The following GON4L variants were observed in gnomAD, a reference collection of about 807,000 sequenced individuals.
GON4L encodes the protein gon-4 like, also known as GON-4-like protein.
In GON4L, 87 loss-of-function variants were observed where a neutral mutation model predicts 211.8. The observed-to-expected ratio is 0.41, with a 90% CI of 0.35 to 0.49. GON4L has a LOEUF of 0.49. Among genes scored for constraint, GON4L ranks in the 20% least tolerant of loss-of-function variants. The pLI is 0.15. For missense variants in GON4L, 2,155 were observed against 2,659.5 expected (o/e 0.81, Z 4.17); for synonymous variants, 875 against 962.6 (o/e 0.91, Z 1.68).
At chr1:155,777,124 T>C (rs1031844654) in intron 15 of GON4L, among the ~76,000 whole-genome samples, 7 of 152,224 alleles carry the variant, frequency 4.6e-5, no homozygotes, top group African/African-American at 1.2e-4. Flanking sequence ...ATACCATTAG[T>C]GTCCTTGTGT....
Position 155,766,197 on chromosome 1 carries a change from G to C in GON4L, c.3276C>G (p.Leu1092=), listed in dbSNP as rs144768837. The C allele has an allele frequency of 2.2e-4, 361 of 1,614,136 alleles. No homozygotes were observed. The African/African-American group carries it at 4.1e-3, about 18-fold the overall frequency. ...TTACCTTGGGCACAGGGGCAGAAGA[G>C]AGCAAAGTCTGGGACTCAGACAGAG... The part of the protein sequence containing the change: ...SFPLSESQTL[L]SSAPVPKVML... Residue 1092 remains leucine (L), a synonymous_variant, in exon 21 of 32, where the codon CTC becomes CTG. Transcript: ENST00000368331.
intron 2 of GON4L, 145 bp downstream of exon 2, chr1:155,853,130 CT>C: frequency 2.5e-6 from 2 of 797,226 alleles, no homozygotes; most frequent in Non-Finnish European, 4.3e-6. Context: ...AAAAAGTTCA[CT>C]GTTGACCCTT....
intron 10 of GON4L, among the ~76,000 whole-genome samples, chr1:155,812,486 A>T (rs573452463): frequency 6.6e-6 from 1 of 152,170 alleles, no homozygotes; most frequent in Non-Finnish European, 1.5e-5. Context: ...TCCAACATAA[A>T]GGGCATTGTT....
At chr1:155,822,163 G>C (rs754833678) in intron 4 of GON4L, 123 bp downstream of exon 4, 1 of 823,520 alleles carries the variant, frequency 1.2e-6, no homozygotes, top group Non-Finnish European at 2.1e-6. Context: ...AAAATGTTCT[G>C]TCACGGGTAA....
intron 2 of GON4L, among the ~76,000 whole-genome samples, chr1:155,830,140 G>C (rs908483210): frequency 6.6e-6 from 1 of 151,568 alleles, no homozygotes; most frequent in Admixed American, 6.6e-5. Flanking sequence ...AGTAGAGATG[G>C]GGTTTTACCA....
chr1:155,837,902 A>G (rs902271953), intron 2 of GON4L, among the ~76,000 whole-genome samples: 3 of 152,226 alleles, frequency 2.0e-5, no homozygotes, highest in African/African-American at 7.2e-5. Flanking sequence ...AAATCCAGCT[A>G]TCTTTAATAA....
chr1:155,830,631 G>A (rs1468848749), intron 2 of GON4L, among the ~76,000 whole-genome samples: 2 of 151,862 alleles, frequency 1.3e-5, no homozygotes, highest in Non-Finnish European at 2.9e-5. Context: ...CTGTCCCCTA[G>A]GCTGAAGTGC....
At chr1:155,790,746 C>G (rs887487927) in intron 12 of GON4L, among the ~76,000 whole-genome samples, 2 of 147,844 alleles carry the variant, frequency 1.4e-5, no homozygotes, top group Non-Finnish European at 3.0e-5. Context: ...GAGATCGAGA[C>G]CATCCTGGCC....
At chr1:155,801,112 CAAAA>C (rs367752032) in intron 11 of GON4L, among the ~76,000 whole-genome samples, 5 of 73,632 alleles carry the variant, frequency 6.8e-5, no homozygotes, top group African/African-American at 2.5e-4. Context: ...TGCTGCTGCT[CAAAA>C]AAAAAAAAAA....
chr1:155,851,604 T>C lies in GON4L; in HGVS notation c.505+1672A>G, dbSNP rs939782714. On this transcript the variant is annotated intron_variant, in intron 2 of 31. Transcript: ENST00000368331. ...GGTGGCGGGCGCCTGTAATACCAGCTACTCAGGAGGCTGAGGCAGGAGAAT... is the reference window on the plus strand; with the variant it reads ...GGTGGCGGGCGCCTGTAATACCAGCCACTCAGGAGGCTGAGGCAGGAGAAT... Among the ~76,000 whole-genome samples the C allele has an allele frequency of 4.0e-5, 6 of 151,480 alleles. No individual in the cohort carries two copies. The East Asian group carries it at 9.8e-4, about 25-fold the overall frequency.
upstream of GON4L, among the ~76,000 whole-genome samples, chr1:155,858,607 CTGAT>C (rs1286353257): frequency 6.8e-6 from 1 of 147,540 alleles, no homozygotes; most frequent in Non-Finnish European, 1.5e-5. Context: ...AAATTCAACA[CTGAT>C]TAACTTTGGC....
At chr1:155,822,229 T>A (rs1051678006) in intron 4 of GON4L, 57 bp downstream of exon 4, 1 of 1,395,800 alleles carries the variant, frequency 7.2e-7, no homozygotes, top group Non-Finnish European at 1.0e-6. Context: ...AACATTTTTA[T>A]ATGCTTTCCA....
intron 20 of GON4L, among the ~76,000 whole-genome samples, 165 bp from the exon 21 acceptor site, chr1:155,766,874 C>T (rs543006648): frequency 1.3e-5 from 2 of 152,206 alleles, no homozygotes; most frequent in Non-Finnish European, 2.9e-5. Context: ...GGTGAAACCC[C>T]GTCTCTACTA....
At chr1:155,854,475 C>G (rs921576911) in intron 1 of GON4L, among the ~76,000 whole-genome samples, 2 of 152,028 alleles carry the variant, frequency 1.3e-5, no homozygotes, top group Admixed American at 1.3e-4. Context: ...TTATTACCAT[C>G]AGGGTGGTAG....
At chr1:155,773,033 C>A (rs757285992) in intron 18 of GON4L, 33 bp downstream of exon 18, 13 of 1,610,712 alleles carry the variant, frequency 8.1e-6, no homozygotes, top group African/African-American at 1.3e-5. Flanking sequence ...TTGGGATGTT[C>A]TGCTGTTTTG....
chr1:155,745,854 T>C (rs1477173296), downstream of GON4L: 1 of 802,268 alleles, frequency 1.2e-6, no homozygotes, highest in Non-Finnish European at 2.0e-6. Flanking sequence ...CGGGAGGTGC[T>C]CACACTGCAG....
At chr1:155,854,645 T>C (rs1259399316) in intron 1 of GON4L, among the ~76,000 whole-genome samples, 1 of 152,194 alleles carries the variant, frequency 6.6e-6, no homozygotes, top group East Asian at 1.9e-4. Flanking sequence ...CATTAGATGG[T>C]AAATGATCAA....
chr1:155,848,112 C>T (rs1169293443), intron 2 of GON4L, among the ~76,000 whole-genome samples: 1 of 151,736 alleles, frequency 6.6e-6, no homozygotes, highest in Non-Finnish European at 1.5e-5. Context: ...AGGGCTGCTG[C>T]TATTGCTGTG....
chr1:155,748,544 G>T (rs1660344427), downstream of GON4L: 4 of 1,613,892 alleles, frequency 2.5e-6, no homozygotes, highest in South Asian at 2.2e-5. Context: ...ATGAAGCTTT[G>T]TGAGGGGTTG....
Sources: allele counts gnomAD v4.1 joint callset (sites outside exome capture counted in the v4.1 genomes callset), GRCh38; gene constraint gnomAD v4.1.1; transcripts MANE v1.5; gene names NCBI Gene and HGNC (gene_info 2026-07-23, HGNC 2026-07-21).